The following IL1RAPL2 variants were observed in gnomAD, a reference collection of about 807,000 sequenced individuals.
The protein encoded by IL1RAPL2 is interleukin 1 receptor accessory protein like 2.
Under a neutral mutation model 44.1 loss-of-function variants are expected in IL1RAPL2, and 3 were observed. The ratio of observed to expected loss-of-function variants is 0.07; its 90% CI spans 0.03 to 0.18. The LOEUF (loss-of-function observed/expected upper bound fraction) is 0.18. Ranked by LOEUF, IL1RAPL2 falls within the 10% of genes least tolerant of loss-of-function variation. The probability of loss-of-function intolerance (pLI) is 1.00; values close to 1 mark genes in which losing one functional copy is unlikely to be tolerated. For missense variants in IL1RAPL2, 391 were observed against 496.4 expected (o/e 0.79, Z 2.02); for synonymous variants, 181 against 178.8 (o/e 1.01, Z -0.10).
chrX:105,542,030 C>T (rs774289419), intron 6 of IL1RAPL2, among the ~76,000 whole-genome samples: 6 of 111,643 alleles, frequency 5.4e-5, no homozygotes, highest in Admixed American at 4.8e-4. Flanking sequence ...TTCTCTTTGC[C>T]GTTGTACATT....
At chrX:105,729,876 AGAAGGAAGGAAGGAAGGAAG>A (rs768197336) in intron 7 of IL1RAPL2, among the ~76,000 whole-genome samples, 3 of 51,266 alleles carry the variant, frequency 5.9e-5, no homozygotes, top group Admixed American at 2.0e-4. Context: ...AAGGAAGGAA[AGAAGGAAGGAAGGAAGGAAG>A]GAAGGAAGGA....
chrX:104,576,562 G>C (rs1352763129), intron 1 of IL1RAPL2, among the ~76,000 whole-genome samples: 1 of 111,405 alleles, frequency 9.0e-6, no homozygotes, highest in Non-Finnish European at 1.9e-5. Flanking sequence ...GCAATCTGTT[G>C]ACCAAAGATA....
chrX:105,752,605 A>G (rs1251627825), intron 9 of IL1RAPL2, among the ~76,000 whole-genome samples: 2 of 112,008 alleles, frequency 1.8e-5, no homozygotes, highest in Non-Finnish European at 3.8e-5. Context: ...TTGCCTAGAA[A>G]AGTGGTGCTG....
chrX:105,424,807 GGATTAAGT>G (rs1331969957), intron 5 of IL1RAPL2, among the ~76,000 whole-genome samples: 1 of 108,417 alleles, frequency 9.2e-6, no homozygotes, highest in African/African-American at 3.4e-5. Flanking sequence ...GTGAACAAAG[GGATTAAGT>G]GTGTACTGAT....
chrX:105,751,312 G>C (rs1338943147), intron 9 of IL1RAPL2, among the ~76,000 whole-genome samples: 1 of 110,396 alleles, frequency 9.1e-6, no homozygotes, highest in Non-Finnish European at 1.9e-5. Flanking sequence ...AAATATGAAA[G>C]GGAGGCTTCT....
At chrX:104,733,639 ATAATAATAG>A (rs944775626) in intron 2 of IL1RAPL2, among the ~76,000 whole-genome samples, 6 of 107,098 alleles carry the variant, frequency 5.6e-5, no homozygotes, top group East Asian at 5.7e-4. Context: ...AATAATAATA[ATAATAATAG>A]TAATAATAAT....
At chrX:105,607,037 A>G (rs975236556) in intron 6 of IL1RAPL2, among the ~76,000 whole-genome samples, 6 of 111,249 alleles carry the variant, frequency 5.4e-5, no homozygotes, top group Non-Finnish European at 1.1e-4. Context: ...AGAAAAGAGG[A>G]GTTTGAATGT....
At chrX:105,527,436 TTGTGTG>T (rs10687485) in intron 6 of IL1RAPL2, among the ~76,000 whole-genome samples, 10,456 of 95,516 alleles carry the variant, frequency 0.11, 1,436 homozygotes, top group African/African-American at 0.38. Flanking sequence ...TGAGAGTGTG[TTGTGTG>T]TGTGTGTGTG....
intron 2 of IL1RAPL2, among the ~76,000 whole-genome samples, chrX:105,144,489 T>G (rs1285358240): frequency 9.0e-6 from 1 of 111,293 alleles, no homozygotes; most frequent in Non-Finnish European, 1.9e-5. Flanking sequence ...CCCTGTTGTT[T>G]ACATGATAAA....
At chrX:104,578,785 G>T (rs188425525) in intron 1 of IL1RAPL2, among the ~76,000 whole-genome samples, 3 of 111,164 alleles carry the variant, frequency 2.7e-5, no homozygotes, top group East Asian at 2.8e-4. Context: ...TGGTTATAGA[G>T]ATATAGAAAA....
intron 2 of IL1RAPL2, among the ~76,000 whole-genome samples, chrX:105,074,756 C>T (rs2032264946): frequency 1.8e-5 from 2 of 108,489 alleles, no homozygotes; most frequent in African/African-American, 6.7e-5. Context: ...AGGTTCTTCA[C>T]ATCCCTTGTA....
Position 105,042,338 on chromosome X carries a change from G to T in IL1RAPL2, c.83-153137G>T, listed in dbSNP as rs1215840307. 7.3e-5 allele frequency among the ~76,000 whole-genome samples: 8 copies of T among 110,064 alleles called. No homozygotes were observed. In the Admixed American group the frequency reaches 7.8e-4, roughly 11 times the overall value. On this transcript the variant is annotated intron_variant, in intron 2 of 10. Coordinates refer to ENST00000372582, the MANE Select transcript of IL1RAPL2 (RefSeq NM_017416.2). ...TTTGCAATCTACTCATCTGACAAAG[G>T]GCTAATATCCAGAATCTGCAATGAA...
intron 1 of IL1RAPL2, among the ~76,000 whole-genome samples, chrX:104,629,228 A>C (rs1929583183): frequency 8.9e-6 from 1 of 112,032 alleles, no homozygotes; most frequent in South Asian, 3.7e-4. Flanking sequence ...TTCTGACTGG[A>C]GTAAGATGAT....
At chrX:104,801,062 C>T (rs183473002) in intron 2 of IL1RAPL2, among the ~76,000 whole-genome samples, 9 of 112,806 alleles carry the variant, frequency 8.0e-5, no homozygotes, top group African/African-American at 2.2e-4. Flanking sequence ...AAGGACTATG[C>T]GAATTCATTA....
intron 5 of IL1RAPL2, among the ~76,000 whole-genome samples, chrX:105,431,397 G>A (rs2035846311): frequency 9.0e-6 from 1 of 111,567 alleles, no homozygotes; most frequent in Non-Finnish European, 1.9e-5. Context: ...AAATGAAGCA[G>A]ATGGATAGTG....
At position 104,899,892 on chromosome X, in the gene IL1RAPL2, T is replaced by C. The variant is rs376726019; in HGVS notation, c.82+240897T>C. Among the ~76,000 whole-genome samples the C allele has an allele frequency of 9.8e-5, 11 of 112,340 alleles. No homozygotes were observed. The South Asian group carries it at 3.7e-3, about 38-fold the overall frequency. On this transcript the variant is annotated intron_variant, in intron 2 of 10. Transcript: ENST00000372582. ...TCGTAGCACTTATTTGCTAGACCAT[T>C]ATGTTGGTACCCAACCATATGTAAT...
intron 8 of IL1RAPL2, among the ~76,000 whole-genome samples, chrX:105,748,005 G>GTC (rs2038564217): frequency 9.0e-6 from 1 of 111,295 alleles, no homozygotes. Flanking sequence ...CTGGTCTGAT[G>GTC]TCTCTCAGAT....
chrX:105,615,313 A>G (rs1602490164), intron 6 of IL1RAPL2, among the ~76,000 whole-genome samples: 1 of 111,795 alleles, frequency 8.9e-6, no homozygotes, highest in Admixed American at 9.5e-5. Flanking sequence ...ATATGATCCA[A>G]CAATCCCACT....
chrX:104,708,443 C>A (rs1216843156), intron 2 of IL1RAPL2, among the ~76,000 whole-genome samples: 2 of 110,807 alleles, frequency 1.8e-5, no homozygotes, highest in Non-Finnish European at 3.8e-5. Flanking sequence ...TGCTTTCCAG[C>A]CTTTCTCTCT....
Sources: allele counts gnomAD v4.1 joint callset (sites outside exome capture counted in the v4.1 genomes callset), GRCh38; gene constraint gnomAD v4.1.1; transcripts MANE v1.5; gene names NCBI Gene and HGNC (gene_info 2026-07-23, HGNC 2026-07-21).